CIMIP4: variants seen among roughly 807,000 people sequenced by gnomAD.
CIMIP4 encodes protein EAN57.
chr22:37,003,924 C>A, the CIMIP4 span: 1 of 1,531,520 alleles, frequency 6.5e-7, no homozygotes, highest in Non-Finnish European at 8.8e-7. Flanking sequence ...CCTCCAGAAG[C>A]CTGGATGTGC....
the CIMIP4 span, among the ~76,000 whole-genome samples, chr22:36,992,838 G>A: frequency 1.3e-5 from 2 of 151,604 alleles, no homozygotes; most frequent in Admixed American, 1.3e-4. Flanking sequence ...TGGGCTGGGC[G>A]CGGTGGCTCA....
At chr22:36,992,295 C>T in the CIMIP4 span, among the ~76,000 whole-genome samples, 1 of 152,106 alleles carries the variant, frequency 6.6e-6, no homozygotes, top group African/African-American at 2.4e-5. Flanking sequence ...TGCAGTGAGC[C>T]GAGATCGTGC....
At chr22:36,994,527 G>C in the CIMIP4 span, among the ~76,000 whole-genome samples, 1 of 151,746 alleles carries the variant, frequency 6.6e-6, no homozygotes, top group Non-Finnish European at 1.5e-5. Flanking sequence ...GCGCCATCAT[G>C]CCAGCTAATT....
chr22:37,004,129 GC>G, the CIMIP4 span: 3 of 1,067,654 alleles, frequency 2.8e-6, no homozygotes, highest in Middle Eastern at 6.3e-4. Context: ...CTGTCTGCCC[GC>G]CCCTGATCAG....
the CIMIP4 span, among the ~76,000 whole-genome samples, chr22:36,992,610 T>A: frequency 6.6e-6 from 1 of 152,160 alleles, no homozygotes; most frequent in South Asian, 2.1e-4. Context: ...CGGCTATGTA[T>A]TAATCATTGT....
the CIMIP4 span, among the ~76,000 whole-genome samples, chr22:36,998,452 A>G: frequency 2.0e-5 from 3 of 152,228 alleles, no homozygotes; most frequent in Middle Eastern, 6.8e-3. Flanking sequence ...AAGGAGCCAT[A>G]CCAGAAACAG....
the CIMIP4 span, chr22:37,001,997 C>A: frequency 1.2e-6 from 2 of 1,613,850 alleles, no homozygotes; most frequent in Non-Finnish European, 1.7e-6. Flanking sequence ...AGCCCCCTCT[C>A]CCGAGGTGGC....
the CIMIP4 span, among the ~76,000 whole-genome samples, chr22:36,992,881 A>AAT: frequency 6.6e-6 from 1 of 150,850 alleles, no homozygotes; most frequent in Non-Finnish European, 1.5e-5. Context: ...GGAGGCCGAG[A>AAT]ATATATATAT....
At chr22:36,998,628 C>T in the CIMIP4 span, among the ~76,000 whole-genome samples, 1 of 152,122 alleles carries the variant, frequency 6.6e-6, no homozygotes, top group African/African-American at 2.4e-5. Flanking sequence ...AGAAGGAACA[C>T]CTGACTTTGA....
chr22:37,003,398 A>C, the CIMIP4 span, among the ~76,000 whole-genome samples: 2 of 151,898 alleles, frequency 1.3e-5, no homozygotes, highest in Non-Finnish European at 2.9e-5. Context: ...ACCTGCACTC[A>C]CCCCTGGGGA....
At chr22:36,997,043 A>G in the CIMIP4 span, among the ~76,000 whole-genome samples, 1 of 152,242 alleles carries the variant, frequency 6.6e-6, no homozygotes, top group Non-Finnish European at 1.5e-5. Context: ...GGCTGGGCAC[A>G]CAGATGCCCA....
At chr22:37,003,540 C>A in the CIMIP4 span, among the ~76,000 whole-genome samples, 2 of 152,202 alleles carry the variant, frequency 1.3e-5, no homozygotes, top group Admixed American at 1.3e-4. Context: ...TTTGCCTGAG[C>A]TATTTCTCCT....
At chr22:36,993,728 CA>C in the CIMIP4 span, among the ~76,000 whole-genome samples, 53 of 138,254 alleles carry the variant, frequency 3.8e-4, 1 homozygote, top group South Asian at 5.4e-3. Flanking sequence ...GACTCCATCT[CA>C]AAAAAAAAGA....
At chr22:36,993,214 G>A in the CIMIP4 span, among the ~76,000 whole-genome samples, 1 of 151,574 alleles carries the variant, frequency 6.6e-6, no homozygotes, top group South Asian at 2.1e-4. Flanking sequence ...GTTTCACCAT[G>A]TTAGCCAGGA....
the CIMIP4 span, among the ~76,000 whole-genome samples, chr22:37,005,953 C>T: frequency 2.0e-5 from 3 of 152,070 alleles, no homozygotes; most frequent in Admixed American, 2.0e-4. Flanking sequence ...TGTGACTGTG[C>T]GACCTGTTGT....
the CIMIP4 span, among the ~76,000 whole-genome samples, chr22:37,003,634 T>C: frequency 1.3e-5 from 2 of 152,106 alleles, no homozygotes; most frequent in African/African-American, 2.4e-5. Context: ...CTCCCATCCA[T>C]TGAGGCCAGG....
the CIMIP4 span, chr22:36,991,496 T>A: frequency 1.9e-6 from 3 of 1,614,040 alleles, no homozygotes; most frequent in Admixed American, 5.0e-5. Context: ...TCATCCGTCT[T>A]CCTGCCATGC....
the CIMIP4 span, among the ~76,000 whole-genome samples, chr22:36,995,330 G>A: frequency 6.6e-6 from 1 of 152,122 alleles, no homozygotes. Flanking sequence ...CCTTACCATG[G>A]GCTGACCCTC....
At chr22:37,003,048 T>C in the CIMIP4 span, among the ~76,000 whole-genome samples, 2 of 152,340 alleles carry the variant, frequency 1.3e-5, no homozygotes, top group Non-Finnish European at 2.9e-5. Flanking sequence ...TAAATATGTT[T>C]GGTGGTCTTC....
Sources: gnomAD v4.1 joint callset for allele counts (sites outside exome capture counted in the v4.1 genomes callset) on GRCh38, gnomAD v4.1.1 for gene constraint, MANE v1.5 for transcripts, NCBI Gene and HGNC (gene_info 2026-07-23, HGNC 2026-07-21) for gene names.